The following RNF25 variants were observed in gnomAD, a reference collection of about 807,000 sequenced individuals.
RNF25 encodes ring finger protein 25.
In RNF25, 32 loss-of-function variants were observed where a neutral mutation model predicts 65.0. The observed-to-expected ratio is 0.49, with a 90% CI of 0.37 to 0.66. The LOEUF is 0.66. Among genes scored for constraint, RNF25 ranks in the 30% least tolerant of loss-of-function variants. The probability of loss-of-function intolerance (pLI) is 0.00; values close to 1 mark genes in which losing one functional copy is unlikely to be tolerated. For synonymous variants in RNF25, 207 were observed against 221.2 expected (o/e 0.94, Z 0.57); for missense variants, 493 against 584.8 (o/e 0.84, Z 1.62).
Position 218,668,139 on chromosome 2 carries a change from T to G in RNF25, c.227A>C (p.His76Pro), listed in dbSNP as rs1453633725. 1 of 1,614,040 alleles carries G rather than the reference T, an allele frequency of 6.2e-7. No individual in the cohort carries two copies. The highest frequency in any genetic ancestry group is 8.5e-7 in the Non-Finnish European group (1 of 1,180,002). ...TCGGATAGAGATCTGTGGCACCTCA[T>G]GGGGATACTAGTGGGGGCAAATAAC... ...LVLQVPAEYP[H>P]EVPQISIRNP... The change falls in exon 4 of 10, where the codon CAT becomes CCT. Residue 76 changes from histidine to proline, a missense_variant. Physicochemically the swap from His to Pro is moderately conservative, Grantham distance 77. Around this residue, in one of 3 missense-constraint regions of RNF25, gnomAD observed 108 missense variants for 166.0 expected, o/e 0.65. Coordinates refer to ENST00000295704, the MANE Select transcript of RNF25 (RefSeq NM_022453.3).
In RNF25 at chr2:218,664,997, T is replaced by C. The variant is rs1939790276; in HGVS notation, c.667-124A>G. On this transcript the variant is annotated intron_variant, in intron 8 of 9. Coordinates refer to ENST00000295704, the MANE Select transcript of RNF25 (RefSeq NM_022453.3). The surrounding 1 kb of genome is among the most constrained non-coding windows in gnomAD (Gnocchi z 5.1). ...GCCCCTCAGGTCTGGGCTCCCAGAG[T>C]CTTAGGCTCCCGCCAGTGGGGGATG... The C allele has an allele frequency of 2.0e-6, 3 of 1,485,148 alleles. No homozygotes were observed. Among genetic ancestry groups the C allele is most frequent in the Non-Finnish European group, 1.8e-6 (2 of 1,089,266 alleles). The allele number at this position is 1,485,148 out of a possible 1,614,324, so 92.0% of individuals were successfully genotyped here.
At chr2:218,667,355 CTTTTTTT>C (rs1327336798) in intron 5 of RNF25, among the ~76,000 whole-genome samples, 4 of 139,540 alleles carry the variant, frequency 2.9e-5, no homozygotes, top group African/African-American at 1.0e-4. Flanking sequence ...ATGACTTTTT[CTTTTTTT>C]TTTTTTTGAG....
Position 218,666,063 on chromosome 2 carries a change from G to A in RNF25, c.430-4C>T, listed in dbSNP as rs1289468356. On this transcript the variant is annotated splice_region_variant and splice_polypyrimidine_tract_variant and intron_variant, in intron 6 of 9. Transcript: ENST00000295704. The stretch of plus-strand genomic sequence containing the variant: ...TTTTGGTAAAGGCCTCCTTCTCCTA[G>A]AGGGAAGGCAGATGTAGGGCACTAA... 1 of 1,613,450 alleles carries A rather than the reference G, an allele frequency of 6.2e-7. No homozygotes were observed. Among genetic ancestry groups the A allele is most frequent in the South Asian group, 1.1e-5 (1 of 91,068 alleles).
chr2:218,663,941 C>T lies in RNF25; in HGVS notation c.*16G>A, dbSNP rs766216222. 106 of 1,424,762 alleles carry T rather than the reference C, an allele frequency of 7.4e-5. No homozygotes were observed. Among genetic ancestry groups the T allele is most frequent in the Non-Finnish European group, 9.7e-5 (105 of 1,085,870 alleles). The allele number at this position is 1,424,762 out of a possible 1,614,324, so 88.3% of individuals were successfully genotyped here. A position where few individuals can be genotyped will look rare whatever the true frequency, so the allele number is the denominator to read the frequency against. On this transcript the variant is annotated 3_prime_UTR_variant, in exon 10 of 10. Transcript: ENST00000295704. Reference sequence around the variant, plus strand: ...CCCTCCCATCCCCAATTCCCTGTTCCCCCCACCAAGTCCTGCTAGGAACCA... The same window carrying T: ...CCCTCCCATCCCCAATTCCCTGTTCTCCCCACCAAGTCCTGCTAGGAACCA...
rs1939759052 is a variant in RNF25 at position 218,664,126 on chromosome 2, C to T, written c.1211G>A (p.Gly404Asp). The T allele has an allele frequency of 6.6e-7, 1 of 1,525,796 alleles. No individual in the cohort carries two copies. Among genetic ancestry groups the T allele is most frequent in the Non-Finnish European group, 8.8e-7 (1 of 1,139,402 alleles). The allele number at this position is 1,525,796 out of a possible 1,614,324, so 94.5% of individuals were successfully genotyped here. Residue 404 changes from glycine (G) to aspartate (D), a missense_variant, in exon 10 of 10, where the codon GGC becomes GAC. Physicochemically the swap from Gly to Asp is moderately conservative, Grantham distance 94. Coordinates refer to ENST00000295704, the MANE Select transcript of RNF25 (RefSeq NM_022453.3). The surrounding 1 kb of genome is among the most constrained non-coding windows in gnomAD (Gnocchi z 5.1). ...GCGGGGTGGGGGCCCCTGCCAGCTG[C>T]CAGGCCCCTTCTCTTGTGGAGGACC... Reference protein sequence around the residue: ...VEGPPQEKGPGSWQGPPPRRT... With the variant: ...VEGPPQEKGPDSWQGPPPRRT...
At position 218,664,310 on chromosome 2, in the gene RNF25, T is replaced by C. The variant is rs1009738003; in HGVS notation, c.1027A>G (p.Ser343Gly). 1 of 1,612,628 alleles carries C rather than the reference T, an allele frequency of 6.2e-7. No individual in the cohort carries two copies. The highest frequency in any genetic ancestry group is 1.3e-5 in the African/African-American group (1 of 75,042). The change falls in exon 10 of 10, where the codon AGT becomes GGT. Residue 343 changes from serine (S) to glycine (G), a missense_variant. By Grantham distance (56) the Ser-to-Gly change is moderately conservative. Coordinates refer to ENST00000295704, the MANE Select transcript of RNF25 (RefSeq NM_022453.3). This position sits in a 1 kb window ranked among gnomAD's most constrained non-coding sequence, Gnocchi z 5.1. ...QKAMLDPPKP[S>G]RGPWRQPERR... ...TCGGGCTGTCGCCAGGGACCTCGAC[T>C]GGGCTTGGGGGGATCTAGCATAGCT...
Position 218,668,657 on chromosome 2 carries a change from C to T in RNF25, c.64G>A (p.Val22Ile), listed in dbSNP as rs760675037. 6.2e-7 allele frequency: 1 copy of T among 1,610,730 alleles called. No individual in the cohort carries two copies. Among genetic ancestry groups the T allele is most frequent in the Non-Finnish European group, 8.5e-7 (1 of 1,177,248 alleles). The change falls in exon 2 of 10, where the codon GTA becomes ATA. Residue 22 changes from valine (V) to isoleucine (I), a missense_variant. By Grantham distance (29) the Val-to-Ile change is conservative. Transcript: ENST00000295704. The stretch of plus-strand genomic sequence containing the variant: ...TCATCTAGATAGATGGACTCCAATA[C>T]TTCAACTTCAGAGGGAAGGACCCTA... ...EDWVLPSEVEVLESIYLDELQ... is the reference protein window; with the variant it reads ...EDWVLPSEVEILESIYLDELQ...
At position 218,664,625 on chromosome 2, in the gene RNF25, C is replaced by G. The variant is rs2243911; in HGVS notation, c.802-90G>C. On this transcript the variant is annotated intron_variant, in intron 9 of 9. Coordinates refer to ENST00000295704, the MANE Select transcript of RNF25 (RefSeq NM_022453.3). The surrounding 1 kb of genome is among the most constrained non-coding windows in gnomAD (Gnocchi z 5.1). ...CCTCTCCTACTATCTGGGCTGACCA[C>G]GATCAGCCTATCATCTTCCTGGTTA... is the stretch of plus-strand genomic sequence containing the variant. 5 of 1,569,358 alleles carry G rather than the reference C, an allele frequency of 3.2e-6. No individual in the cohort carries two copies. The highest frequency in any genetic ancestry group is 3.5e-5 in the Admixed American group (2 of 57,792).
chr2:218,664,811 C>G lies in RNF25; in HGVS notation c.729G>C (p.Gln243His), dbSNP rs1404288500. The G allele has an allele frequency of 6.2e-7, 1 of 1,614,274 alleles. No individual in the cohort carries two copies. The highest frequency in any genetic ancestry group is 1.7e-5 in the Admixed American group (1 of 60,034). Residue 243 changes from glutamine (Q) to histidine (H), a missense_variant, in exon 9 of 10, where the codon CAG becomes CAC. Physicochemically the swap from Gln to His is conservative, Grantham distance 24 (BLOSUM62 0). This residue lies in a region of RNF25 where 351 missense variants were observed against 400.2 expected (regional missense o/e 0.88). Coordinates refer to ENST00000295704, the MANE Select transcript of RNF25 (RefSeq NM_022453.3). This position sits in a 1 kb window ranked among gnomAD's most constrained non-coding sequence, Gnocchi z 5.1. ...RQQEERKRLY[Q>H]RQQERGGIID... ...TGATTCCCCCCCGCTCCTGCTGCCT[C>G]TGGTAGAGCCGCTTGCGTTCTTCTT... is the stretch of plus-strand genomic sequence containing the variant.
rs1427869965 is a variant in RNF25 at position 218,668,067 on chromosome 2, G to A, written c.287+12C>T. 2 of 1,613,822 alleles carry A rather than the reference G, an allele frequency of 1.2e-6. No homozygotes were observed. Among genetic ancestry groups the A allele is most frequent in the Admixed American group, 3.3e-5 (2 of 60,012 alleles). ...TAGCTGAGTTTTCCCTGTTCTGACA[G>A]GTTCAACTTACGTGTGGATCTGTTC... is the stretch of plus-strand genomic sequence containing the variant. On this transcript the variant is annotated intron_variant, in intron 4 of 9. Transcript: ENST00000295704.
chr2:218,664,013 A>G lies in RNF25; in HGVS notation c.1324T>C (p.Tyr442His), dbSNP rs771117295. ...YPRLPRGQGA[Y>H]RPGTRRESLG... ...GACTCCCTCCGAGTACCAGGCCGGT[A>G]TGCTCCCTGGCCCCGAGGCAGGCGA... is the stretch of plus-strand genomic sequence containing the variant. The change falls in exon 10 of 10, where the codon TAC becomes CAC. Residue 442 changes from tyrosine to histidine, a missense_variant. By Grantham distance (83) the Tyr-to-His change is moderately conservative. Around this residue, in one of 3 missense-constraint regions of RNF25, gnomAD observed 351 missense variants for 400.2 expected, o/e 0.88. Transcript: ENST00000295704. The surrounding 1 kb of genome is among the most constrained non-coding windows in gnomAD (Gnocchi z 5.1). 6.7e-7 allele frequency: 1 copy of G among 1,484,250 alleles called. No individual in the cohort carries two copies. The highest frequency in any genetic ancestry group is 9.0e-7 in the Non-Finnish European group (1 of 1,117,172). 91.9% of individuals were successfully genotyped at this position (1,484,250 alleles called of 1,614,324 possible). A position where few individuals can be genotyped will look rare whatever the true frequency, so the allele number is the denominator to read the frequency against.
chr2:218,671,857 A>G, intron 1 of RNF25, 73 bp downstream of exon 1: 1 of 1,552,844 alleles, frequency 6.4e-7, no homozygotes, highest in African/African-American at 1.4e-5. Flanking sequence ...CGCCGTACGG[A>G]CCGTCTGCGA....
At chr2:218,667,164 T>C (rs1281140526) in intron 5 of RNF25, among the ~76,000 whole-genome samples, 2 of 124,552 alleles carry the variant, frequency 1.6e-5, no homozygotes, top group Non-Finnish European at 3.2e-5. Context: ...TAAGACTGTC[T>C]CAAAAAAAAA....
chr2:218,667,165 C>T (rs1030232946), intron 5 of RNF25, among the ~76,000 whole-genome samples: 3 of 84,700 alleles, frequency 3.5e-5, no homozygotes, highest in African/African-American at 9.7e-5. Context: ...AAGACTGTCT[C>T]AAAAAAAAAA....
At position 218,668,245 on chromosome 2, in the gene RNF25, T is replaced by C; in HGVS notation, c.213A>G (p.Pro71=). Residue 71 remains proline, a synonymous_variant, in exon 3 of 10, where the codon CCA becomes CCG. Coordinates refer to ENST00000295704, the MANE Select transcript of RNF25 (RefSeq NM_022453.3). ...CACACAGTAGGGGCTTCACCTCTGC[T>C]GGGACCTGAAGCACCAGAGTGAAGC... ...YVCFTLVLQV[P]AEYPHEVPQI... is the part of the protein sequence containing the mutation. The C allele has an allele frequency of 3.7e-6, 6 of 1,614,070 alleles. No homozygotes were observed. Among genetic ancestry groups the C allele is most frequent in the Non-Finnish European group, 5.1e-6 (6 of 1,179,898 alleles).
At chr2:218,671,693 C>T (rs1053494088) in intron 1 of RNF25, among the ~76,000 whole-genome samples, 1 of 152,156 alleles carries the variant, frequency 6.6e-6, no homozygotes, top group Admixed American at 6.5e-5. Context: ...GGGATCGAAC[C>T]GGATGCGGCG....
intron 5 of RNF25, 134 bp downstream of exon 5, chr2:218,667,778 T>C: frequency 1.3e-6 from 1 of 770,858 alleles, no homozygotes; most frequent in Non-Finnish European, 2.1e-6. Flanking sequence ...GAGTCTCATT[T>C]CTCTGGATTA....
intron 5 of RNF25, among the ~76,000 whole-genome samples, chr2:218,667,300 G>A (rs1939842406): frequency 6.6e-6 from 1 of 151,752 alleles, no homozygotes; most frequent in Non-Finnish European, 1.5e-5. Context: ...GCTTCATGTG[G>A]GTTGTTTCAT....
chr2:218,668,004 A>G (rs1352140496), intron 4 of RNF25, 23 bp from the exon 5 acceptor site: 4 of 1,613,948 alleles, frequency 2.5e-6, no homozygotes, highest in Non-Finnish European at 3.4e-6. Flanking sequence ...GGCAAACCAA[A>G]TATTAGACCT....
Sources: gnomAD v4.1 joint callset for allele counts (sites outside exome capture counted in the v4.1 genomes callset) on GRCh38, gnomAD v4.1.1 for gene constraint, gnomAD v4.1.1 regional missense constraint, Gnocchi (gnomAD v3.1) non-coding constraint, MANE v1.5 for transcripts, NCBI Gene and HGNC (gene_info 2026-07-23, HGNC 2026-07-21) for gene names.